TTC27: variants seen among roughly 807,000 people sequenced by gnomAD.
The protein encoded by TTC27 is tetratricopeptide repeat protein 27.
A neutral mutation model predicts 115.9 loss-of-function variants in TTC27; 79 were observed. The observed-to-expected ratio is 0.68, with a 90% confidence interval of 0.57 to 0.82. The LOEUF (loss-of-function observed/expected upper bound fraction) is 0.82, where lower values mean the gene tolerates loss of function less well. Ranked by LOEUF, TTC27 falls within the 40% of genes least tolerant of loss-of-function variation. TTC27 has a pLI of 0.00. For synonymous variants in TTC27, 401 were observed against 356.0 expected, an observed-to-expected ratio of 1.13 and a Z score of -1.42; for missense variants, 1,054 against 993.1, an observed-to-expected ratio of 1.06 and a Z score of -0.82.
intron 8 of TTC27, among the ~76,000 whole-genome samples, chr2:32,675,507 T>G (rs1033071905): frequency 6.6e-6 from 1 of 152,104 alleles, no homozygotes. Flanking sequence ...AGCACAGAAT[T>G]GATTTCACCG....
intron 13 of TTC27, among the ~76,000 whole-genome samples, chr2:32,769,612 A>T (rs537924080): frequency 4.6e-5 from 7 of 152,196 alleles, no homozygotes; most frequent in African/African-American, 1.7e-4. Flanking sequence ...GAGGGGAGAT[A>T]AATAGGGAAT....
At chr2:32,734,037 T>A in intron 11 of TTC27, 114 bp downstream of exon 11, 1 of 683,030 alleles carries the variant, frequency 1.5e-6, no homozygotes, top group Non-Finnish European at 2.3e-6. Flanking sequence ...TTGCTAAAGA[T>A]AATAAATGTA....
chr2:32,709,447 T>G (rs1033287734), intron 10 of TTC27, among the ~76,000 whole-genome samples: 5 of 152,222 alleles, frequency 3.3e-5, no homozygotes, highest in Non-Finnish European at 5.9e-5. Context: ...TTTCAGACTT[T>G]GAAATATTTG....
At chr2:32,820,092 C>T (rs1416124063) in intron 19 of TTC27, among the ~76,000 whole-genome samples, 1 of 152,180 alleles carries the variant, frequency 6.6e-6, no homozygotes, top group East Asian at 1.9e-4. Context: ...AGATATTTGG[C>T]AAGCTACATA....
At chr2:32,738,778 T>A (rs1420549929) in intron 12 of TTC27, among the ~76,000 whole-genome samples, 1 of 152,224 alleles carries the variant, frequency 6.6e-6, no homozygotes, top group African/African-American at 2.4e-5. Flanking sequence ...ATCATCACAA[T>A]TCCATTTACT....
intron 2 of TTC27, among the ~76,000 whole-genome samples, chr2:32,632,380 C>T (rs1319872058): frequency 2.0e-5 from 3 of 152,128 alleles, no homozygotes; most frequent in East Asian, 1.9e-4. Context: ...TAAAACAACA[C>T]ATTCACACAA....
chr2:32,757,710 G>A (rs1043778345), intron 12 of TTC27, among the ~76,000 whole-genome samples: 13 of 149,180 alleles, frequency 8.7e-5, no homozygotes, highest in Non-Finnish European at 1.6e-4. Flanking sequence ...TTGTTTTTTT[G>A]AGTCAGAGTT....
intron 4 of TTC27, among the ~76,000 whole-genome samples, chr2:32,646,174 G>A (rs905578879): frequency 1.3e-5 from 2 of 151,214 alleles, no homozygotes; most frequent in African/African-American, 4.9e-5. Context: ...GACTACAGGC[G>A]CCCACCACCA....
At chr2:32,701,398 T>C (rs887908994) in intron 9 of TTC27, among the ~76,000 whole-genome samples, 8 of 152,248 alleles carry the variant, frequency 5.3e-5, no homozygotes, top group Admixed American at 2.0e-4. Context: ...AGCACAAGTT[T>C]ATTTAGAGAA....
intron 12 of TTC27, among the ~76,000 whole-genome samples, chr2:32,746,295 CT>C (rs1668823347): frequency 6.6e-6 from 1 of 151,766 alleles, no homozygotes; most frequent in Non-Finnish European, 1.5e-5. Context: ...GGCACAGTGG[CT>C]CACGCCGGTA....
chr2:32,781,416 C>T (rs1254681349), intron 14 of TTC27, among the ~76,000 whole-genome samples: 1 of 151,620 alleles, frequency 6.6e-6, no homozygotes, highest in Non-Finnish European at 1.5e-5. Context: ...CCTGCTTCTT[C>T]CCATGTCCGC....
chr2:32,756,451 G>T (rs1027172833), intron 12 of TTC27, among the ~76,000 whole-genome samples: 1 of 152,126 alleles, frequency 6.6e-6, no homozygotes, highest in Non-Finnish European at 1.5e-5. Context: ...TTTTGACTGG[G>T]ACTTAAAAGT....
intron 15 of TTC27, among the ~76,000 whole-genome samples, chr2:32,785,043 T>G (rs1407549321): frequency 6.6e-6 from 1 of 152,234 alleles, no homozygotes; most frequent in Non-Finnish European, 1.5e-5. Context: ...TGGTAAATGC[T>G]CTTAACCTTT....
intron 5 of TTC27, among the ~76,000 whole-genome samples, chr2:32,653,264 G>A (rs1665196340): frequency 1.3e-5 from 2 of 152,100 alleles, no homozygotes; most frequent in Non-Finnish European, 2.9e-5. Flanking sequence ...AGGCAGCTCT[G>A]TGACTCTGGG....
intron 10 of TTC27, chr2:32,704,844 T>C (rs770975310): frequency 2.1e-6 from 1 of 471,054 alleles, no homozygotes; most frequent in South Asian, 1.6e-5. Flanking sequence ...AATGATGTAG[T>C]ACTCTTCTTC....
intron 8 of TTC27, among the ~76,000 whole-genome samples, chr2:32,675,518 G>A (rs1331598576): frequency 6.6e-6 from 1 of 152,020 alleles, no homozygotes; most frequent in African/African-American, 2.4e-5. Context: ...GATTTCACCG[G>A]CAGTTTAACT....
intron 6 of TTC27, 152 bp from the exon 7 acceptor site, chr2:32,666,483 A>G (rs1665781018): frequency 2.8e-6 from 2 of 707,406 alleles, no homozygotes; most frequent in Non-Finnish European, 2.0e-6. Context: ...TTTATAAGTC[A>G]TTTAAAACCT....
chr2:32,772,339 A>G (rs1669856836), intron 13 of TTC27, among the ~76,000 whole-genome samples: 1 of 152,194 alleles, frequency 6.6e-6, no homozygotes. Context: ...ACTGATTTCT[A>G]AGGTCTCTAA....
chr2:32,733,173 G>C (rs1668348939), intron 10 of TTC27, among the ~76,000 whole-genome samples: 1 of 152,178 alleles, frequency 6.6e-6, no homozygotes, highest in Non-Finnish European at 1.5e-5. Context: ...CTCAAAGTCA[G>C]CTATTTTGGT....
Sources: allele counts gnomAD v4.1 joint callset (sites outside exome capture counted in the v4.1 genomes callset), GRCh38; gene constraint gnomAD v4.1.1; transcripts MANE v1.5; gene names NCBI Gene and HGNC (gene_info 2026-07-23, HGNC 2026-07-21).